Variants in CCDC7 observed in about 807,000 individuals in gnomAD.
CCDC7 encodes coiled-coil domain containing 7, also known as coiled-coil domain-containing protein 7.
A neutral mutation model predicts 196.9 loss-of-function variants in CCDC7; 183 were observed. The ratio of observed to expected loss-of-function variants is 0.93; its 90% confidence interval spans 0.82 to 1.05. The LOEUF is 1.05. Ranked by LOEUF, CCDC7 falls within the 50% of genes least tolerant of loss-of-function variation. The pLI, the probability that CCDC7 is intolerant of heterozygous loss-of-function variation, is 0.00. For synonymous variants in CCDC7, 525 were observed against 484.6 expected, an observed-to-expected ratio of 1.08 and a Z score of -1.10; for missense variants, 1,540 against 1,482.2, an observed-to-expected ratio of 1.04 and a Z score of -0.64.
At chr10:32,835,131 T>G (rs1171576891) in intron 33 of CCDC7, among the ~76,000 whole-genome samples, 2 of 152,140 alleles carry the variant, frequency 1.3e-5, no homozygotes, top group Non-Finnish European at 2.9e-5. Context: ...TGCAAGGCTG[T>G]TGTGACCTAA....
intron 24 of CCDC7, among the ~76,000 whole-genome samples, chr10:32,711,293 T>C (rs907963885): frequency 3.3e-5 from 5 of 152,210 alleles, no homozygotes; most frequent in African/African-American, 1.2e-4. Context: ...TTACAAATAA[T>C]GCTGTAATGA....
At chr10:32,667,895 A>G (rs2073159732) in intron 21 of CCDC7, among the ~76,000 whole-genome samples, 1 of 152,008 alleles carries the variant, frequency 6.6e-6, no homozygotes, top group East Asian at 1.9e-4. Flanking sequence ...GTTTTTTCCA[A>G]TCCTGTGAAG....
intron 21 of CCDC7, among the ~76,000 whole-genome samples, chr10:32,673,654 C>CGTGTGT (rs71027102): frequency 0.047 from 7,018 of 147,902 alleles, 205 homozygotes; most frequent in Middle Eastern, 0.1. Flanking sequence ...CCATTGTGCA[C>CGTGTGT]GTGTGTGTGT....
intron 3 of CCDC7, among the ~76,000 whole-genome samples, chr10:32,457,014 A>G (rs1460233031): frequency 6.8e-6 from 1 of 146,822 alleles, no homozygotes; most frequent in Non-Finnish European, 1.5e-5. Context: ...CATTCAAAAT[A>G]TATAAAATAT....
intron 28 of CCDC7, among the ~76,000 whole-genome samples, chr10:32,747,436 A>G (rs939395953): frequency 2.0e-5 from 3 of 152,212 alleles, no homozygotes; most frequent in African/African-American, 7.2e-5. Context: ...GACGACCTAT[A>G]GAATGGGAGA....
chr10:32,774,294 T>C (rs1461295078), intron 28 of CCDC7, among the ~76,000 whole-genome samples: 2 of 152,070 alleles, frequency 1.3e-5, no homozygotes, highest in Non-Finnish European at 2.9e-5. Flanking sequence ...CTTCCCCTTT[T>C]TTTTTTTTTA....
At chr10:32,638,541 T>G (rs2066099701) in intron 20 of CCDC7, among the ~76,000 whole-genome samples, 1 of 152,232 alleles carries the variant, frequency 6.6e-6, no homozygotes, top group Admixed American at 6.5e-5. Flanking sequence ...TTTATTGATT[T>G]GTGTATGTTG....
chr10:32,527,752 A>T (rs2048898171), intron 11 of CCDC7, among the ~76,000 whole-genome samples: 1 of 152,186 alleles, frequency 6.6e-6, no homozygotes, highest in Non-Finnish European at 1.5e-5. Flanking sequence ...AAGAAATCTG[A>T]GAAGTAGTCT....
At chr10:32,457,051 C>T (rs2034513243) in intron 3 of CCDC7, among the ~76,000 whole-genome samples, 1 of 151,576 alleles carries the variant, frequency 6.6e-6, no homozygotes, top group South Asian at 2.1e-4. Flanking sequence ...CCGTTGTTAG[C>T]TGTGGTCACC....
intron 11 of CCDC7, among the ~76,000 whole-genome samples, chr10:32,538,154 A>G (rs1299107521): frequency 6.6e-6 from 1 of 151,942 alleles, no homozygotes; most frequent in East Asian, 1.9e-4. Flanking sequence ...TTTTTGTGTC[A>G]TCTGATTTCT....
chr10:32,876,738 G>A (rs2094605599), downstream of CCDC7: 1 of 182,160 alleles, frequency 5.5e-6, no homozygotes, highest in East Asian at 1.6e-4. Flanking sequence ...AGGAAAAGAT[G>A]TAAAAAATAT....
intron 25 of CCDC7, among the ~76,000 whole-genome samples, chr10:32,720,422 G>C (rs141400004): frequency 4.1e-4 from 62 of 151,996 alleles, no homozygotes; most frequent in African/African-American, 1.4e-3. Flanking sequence ...GGGCCTGTTG[G>C]GGGGTAGGGG....
chr10:32,719,099 G>A (rs368824563), intron 25 of CCDC7, among the ~76,000 whole-genome samples: 33 of 152,242 alleles, frequency 2.2e-4, no homozygotes, highest in South Asian at 6.2e-4. Flanking sequence ...AAAGCTGGAG[G>A]CATCACACTA....
chr10:32,466,910 C>G (rs1472883121), intron 5 of CCDC7, among the ~76,000 whole-genome samples: 1 of 152,134 alleles, frequency 6.6e-6, no homozygotes, highest in African/African-American at 2.4e-5. Context: ...GCATTTTTTT[C>G]TCCACAACTT....
intron 25 of CCDC7, among the ~76,000 whole-genome samples, chr10:32,720,598 G>A (rs1420273981): frequency 6.6e-6 from 1 of 151,998 alleles, no homozygotes; most frequent in South Asian, 2.1e-4. Flanking sequence ...ACAACTGGGG[G>A]CTAAGGGAAG....
chr10:32,545,643 C>T (rs4497290), intron 13 of CCDC7, among the ~76,000 whole-genome samples: 52,376 of 152,068 alleles, frequency 0.34, 11,455 homozygotes, highest in Non-Finnish European at 0.5. Flanking sequence ...CGGTGGCTTA[C>T]GCCTGTAATA....
intron 8 of CCDC7, among the ~76,000 whole-genome samples, chr10:32,479,079 T>G (rs529427517): frequency 3.5e-4 from 53 of 152,332 alleles, no homozygotes; most frequent in African/African-American, 1.1e-3. Flanking sequence ...ATCAAATTTG[T>G]TAGCATAAGT....
chr10:32,566,389 A>G (rs1204938685), intron 14 of CCDC7, among the ~76,000 whole-genome samples: 4 of 152,200 alleles, frequency 2.6e-5, no homozygotes, highest in Non-Finnish European at 5.9e-5. Context: ...GAGATTTTGT[A>G]CAAGTATGTA....
At chr10:32,612,803 T>G (rs752501956) in intron 18 of CCDC7, among the ~76,000 whole-genome samples, 3 of 152,162 alleles carry the variant, frequency 2.0e-5, no homozygotes, top group Non-Finnish European at 4.4e-5. Flanking sequence ...AATGTGCTGC[T>G]GGATTCAGTT....
Sources: gnomAD v4.1 joint callset for allele counts (sites outside exome capture counted in the v4.1 genomes callset) on GRCh38, gnomAD v4.1.1 for gene constraint, MANE v1.5 for transcripts, NCBI Gene and HGNC (gene_info 2026-07-23, HGNC 2026-07-21) for gene names.